PUDP: variants seen among roughly 807,000 people sequenced by gnomAD.
The protein encoded by PUDP is pseudouridine-5'-phosphatase.
In PUDP, 8 loss-of-function variants were observed where a neutral mutation model predicts 9.4. The ratio of observed to expected loss-of-function variants is 0.85; its 90% CI spans 0.50 to 1.53. The LOEUF (loss-of-function observed/expected upper bound fraction) is 1.53. Ranked by LOEUF, PUDP falls within the 40% of genes most tolerant of loss-of-function variation. The probability of loss-of-function intolerance (pLI) is 0.00; values close to 1 mark genes in which losing one functional copy is unlikely to be tolerated. For missense variants in PUDP, 188 were observed against 189.7 expected, an observed-to-expected ratio of 0.99 and a Z score of 0.05; for synonymous variants, 99 against 80.7, an observed-to-expected ratio of 1.23 and a Z score of -1.22.
chrX:7,104,133 G>C (rs1374564334), intron 2 of PUDP, among the ~76,000 whole-genome samples: 1 of 111,792 alleles, frequency 8.9e-6, no homozygotes, highest in Admixed American at 9.5e-5. Flanking sequence ...GAACAGCCAA[G>C]GTGTGGATGC....
chrX:7,086,293 A>G (rs994045676), intron 2 of PUDP, among the ~76,000 whole-genome samples: 3 of 112,467 alleles, frequency 2.7e-5, no homozygotes, highest in Non-Finnish European at 5.6e-5. Context: ...CCAAAGTCAA[A>G]TTCCCCAAAG....
intron 3 of PUDP, among the ~76,000 whole-genome samples, chrX:6,883,596 T>C (rs1396047442): frequency 9.1e-6 from 1 of 110,380 alleles, no homozygotes; most frequent in African/African-American, 3.3e-5. Context: ...ATTGATCCTA[T>C]TACACAAGAA....
At chrX:6,957,759 A>G (rs1928649366) in intron 3 of PUDP, among the ~76,000 whole-genome samples, 1 of 112,400 alleles carries the variant, frequency 8.9e-6, no homozygotes, top group Non-Finnish European at 1.9e-5. Flanking sequence ...TGTAATGTTA[A>G]GGGCAATTCT....
chrX:6,895,109 G>C (rs888532703), intron 3 of PUDP, among the ~76,000 whole-genome samples: 14 of 109,957 alleles, frequency 1.3e-4, no homozygotes, highest in African/African-American at 4.6e-4. Flanking sequence ...GAGGAGGTGG[G>C]CTGTTAGTTG....
intron 1 of PUDP, among the ~76,000 whole-genome samples, chrX:6,708,058 C>A (rs1924490664): frequency 9.0e-6 from 1 of 111,600 alleles, no homozygotes; most frequent in Admixed American, 9.6e-5. Flanking sequence ...CCAGAAAATG[C>A]ACTTCCCACC....
intron 1 of PUDP, among the ~76,000 whole-genome samples, chrX:7,142,104 T>C (rs1932801293): frequency 8.9e-6 from 1 of 112,313 alleles, no homozygotes; most frequent in Admixed American, 9.5e-5. Flanking sequence ...CTGCAGCCCA[T>C]GGATTGAGGA....
chrX:6,902,521 G>T (rs1927705310), intron 3 of PUDP, among the ~76,000 whole-genome samples: 1 of 112,417 alleles, frequency 8.9e-6, no homozygotes, highest in Admixed American at 9.4e-5. Context: ...CTTTATTCCA[G>T]AACTTAGCTG....
At chrX:6,915,384 T>A (rs765152931) in intron 3 of PUDP, among the ~76,000 whole-genome samples, 25 of 112,292 alleles carry the variant, frequency 2.2e-4, no homozygotes, top group Admixed American at 6.6e-4. Flanking sequence ...GTCCATCCCC[T>A]TGTCCTCACA....
chrX:6,914,844 T>TA (rs1392841343), intron 3 of PUDP, among the ~76,000 whole-genome samples: 7 of 112,676 alleles, frequency 6.2e-5, no homozygotes, highest in Non-Finnish European at 1.3e-4. Context: ...CTCACGTCGA[T>TA]ATAAAGTGAA....
At chrX:6,727,740 G>T (rs1476497089) in intron 3 of PUDP, among the ~76,000 whole-genome samples, 3 of 111,866 alleles carry the variant, frequency 2.7e-5, no homozygotes, top group African/African-American at 9.7e-5. Flanking sequence ...GTAGAATTAT[G>T]GGGGGCTACC....
intron 1 of PUDP, among the ~76,000 whole-genome samples, chrX:7,024,974 T>C (rs981920976): frequency 2.7e-5 from 3 of 110,256 alleles, no homozygotes; most frequent in Non-Finnish European, 5.7e-5. Flanking sequence ...CCCACATGGC[T>C]GCAATGTATT....
rs1231128787 is a variant in PUDP at position 6,848,073 on chromosome X, T to C, written c.*247+129060A>G. Reference sequence around the variant, plus strand: ...TGCTTTCTACCTTGCCTCATGAAATTTACACCAAGGGATCCTGTGTACATC... The same window carrying C: ...TGCTTTCTACCTTGCCTCATGAAATCTACACCAAGGGATCCTGTGTACATC... On this transcript the variant is annotated intron_variant and NMD_transcript_variant, in intron 3 of 3. Coordinates refer to the PUDP transcript ENST00000655425. Among the ~76,000 whole-genome samples the C allele has an allele frequency of 1.1e-4, 12 of 111,868 alleles. No individual in the cohort carries two copies. In the Admixed American group the frequency reaches 1.1e-3, roughly 11 times the overall value.
At chrX:6,774,325 G>A (rs1004756276) in intron 3 of PUDP, among the ~76,000 whole-genome samples, 3 of 111,768 alleles carry the variant, frequency 2.7e-5, no homozygotes, top group Non-Finnish European at 5.6e-5. Flanking sequence ...GAACCCTCAG[G>A]GATTAAACCC....
chrX:7,083,762 G>T (rs151076070), intron 2 of PUDP, among the ~76,000 whole-genome samples: 2 of 109,960 alleles, frequency 1.8e-5, no homozygotes, highest in Non-Finnish European at 3.8e-5. Context: ...TTAGCCAGGC[G>T]TGGAGGCACA....
chrX:6,751,693 C>T (rs942626760), intron 3 of PUDP, among the ~76,000 whole-genome samples: 1 of 111,464 alleles, frequency 9.0e-6, no homozygotes, highest in South Asian at 3.8e-4. Flanking sequence ...TCATTATCGG[C>T]CACGCTTAGG....
intron 3 of PUDP, among the ~76,000 whole-genome samples, chrX:6,896,505 C>T (rs1424689522): frequency 1.8e-5 from 2 of 111,898 alleles, no homozygotes; most frequent in African/African-American, 3.2e-5. Flanking sequence ...ATACATTGCA[C>T]TTGAATGCTG....
At chrX:7,089,988 T>C (rs1039213484) in intron 2 of PUDP, among the ~76,000 whole-genome samples, 1 of 111,705 alleles carries the variant, frequency 9.0e-6, no homozygotes, top group African/African-American at 3.3e-5. Flanking sequence ...GTGACACTAA[T>C]AGGAAGAATT....
chrX:7,116,942 T>A, intron 1 of PUDP: 1 of 1,165,341 alleles, frequency 8.6e-7, no homozygotes, highest in East Asian at 3.3e-5. Context: ...GCTTTTGCCA[T>A]GTTACATGCC....
intron 3 of PUDP, among the ~76,000 whole-genome samples, chrX:6,799,078 C>G (rs902803597): frequency 9.7e-5 from 11 of 112,901 alleles, no homozygotes; most frequent in Non-Finnish European, 1.5e-4. Flanking sequence ...AGCCACCATG[C>G]TTAGCCCATG....
Sources: gnomAD v4.1 joint callset for allele counts (sites outside exome capture counted in the v4.1 genomes callset) on GRCh38, gnomAD v4.1.1 for gene constraint, MANE v1.5 for transcripts, NCBI Gene and HGNC (gene_info 2026-07-23, HGNC 2026-07-21) for gene names.